NPSR1: variants seen among roughly 807,000 people sequenced by gnomAD.
NPSR1 encodes neuropeptide S receptor 1.
In NPSR1, 48 loss-of-function variants were observed where a neutral mutation model predicts 46.9. That is an observed-to-expected ratio of 1.02 (90% CI 0.81 to 1.30). The LOEUF (loss-of-function observed/expected upper bound fraction) is 1.30. NPSR1 is among the 50% of genes most tolerant of loss of function. The pLI is 0.00. For missense variants in NPSR1, 450 were observed against 449.5 expected, an observed-to-expected ratio of 1.00 and a Z score of -0.01; for synonymous variants, 176 against 168.1, an observed-to-expected ratio of 1.05 and a Z score of -0.36.
chr7:34,802,088 A>C (rs1788446764), intron 3 of NPSR1, among the ~76,000 whole-genome samples: 1 of 149,760 alleles, frequency 6.7e-6, no homozygotes, highest in African/African-American at 2.6e-5. Flanking sequence ...ATGGAAGAAC[A>C]TTCCATGCTC....
intron 2 of NPSR1, among the ~76,000 whole-genome samples, chr7:34,752,886 G>C (rs940206422): frequency 6.6e-6 from 1 of 152,156 alleles, no homozygotes; most frequent in African/African-American, 2.4e-5. Context: ...TGTGAAGCCT[G>C]CCTAGTCCGC....
At chr7:34,873,769 TA>T (rs1372639117) in intron 8 of NPSR1, among the ~76,000 whole-genome samples, 4 of 151,344 alleles carry the variant, frequency 2.6e-5, no homozygotes, top group African/African-American at 7.3e-5. Flanking sequence ...ATCCAAACCA[TA>T]ACAGAGATGA....
At chr7:34,799,532 C>T (rs914881256) in intron 3 of NPSR1, among the ~76,000 whole-genome samples, 5 of 147,358 alleles carry the variant, frequency 3.4e-5, no homozygotes, top group African/African-American at 1.2e-4. Flanking sequence ...CTTTTGTCAC[C>T]ACCAGGCCTG....
chr7:34,822,332 G>A (rs929703574), intron 4 of NPSR1, among the ~76,000 whole-genome samples: 9 of 152,184 alleles, frequency 5.9e-5, no homozygotes, highest in Admixed American at 1.3e-4. Flanking sequence ...CTCTCTGGGA[G>A]AGTCATGGAG....
rs1489386225 is a variant in NPSR1, at chr7:34,792,689, G to GTATATATATATATT, written c.384+14134_384+14135insTATTTATATATATA. On this transcript the variant is annotated intron_variant, in intron 3 of 8. Transcript: ENST00000360581. Reference sequence around the variant, plus strand: ...TTTATATATATGTATATATATATATGTATATATATACGTATATATATATAT... The same window carrying GTATATATATATATT: ...TTTATATATATGTATATATATATATGTATATATATATATTTATATATATACGTATATATATATAT... Among the ~76,000 whole-genome samples the GTATATATATATATT allele has an allele frequency of 1.8e-3, 137 of 74,292 alleles. 7 individuals are homozygous for GTATATATATATATT. The highest frequency in any genetic ancestry group is 3.9e-3 in the East Asian group (9 of 2,328). The allele number at this position is 74,292 out of a possible 152,430, so 48.7% of individuals were successfully genotyped here. A position where few individuals can be genotyped will look rare whatever the true frequency, so the allele number is the denominator to read the frequency against.
chr7:34,743,445 CT>C (rs201399099), intron 2 of NPSR1, among the ~76,000 whole-genome samples: 20,894 of 145,164 alleles, frequency 0.14, 1,549 homozygotes, highest in Non-Finnish European at 0.17. Context: ...TCTCTGTCTT[CT>C]TTTTTTTTTT....
At chr7:34,736,593 C>CTTTA (rs1784676786) in intron 2 of NPSR1, among the ~76,000 whole-genome samples, 1 of 151,798 alleles carries the variant, frequency 6.6e-6, no homozygotes, top group Non-Finnish European at 1.5e-5. Flanking sequence ...TACTTACTTA[C>CTTTA]TTTATTTATC....
intron 2 of NPSR1, among the ~76,000 whole-genome samples, chr7:34,777,667 G>A (rs1787032890): frequency 6.6e-6 from 1 of 152,040 alleles, no homozygotes; most frequent in African/African-American, 2.4e-5. Flanking sequence ...CTTCTATTCT[G>A]CAACCTTGCC....
At chr7:34,719,979 GAA>G (rs746199947) in intron 2 of NPSR1, among the ~76,000 whole-genome samples, 1 of 136,436 alleles carries the variant, frequency 7.3e-6, no homozygotes, top group African/African-American at 2.7e-5. Context: ...GTTTCAAAAA[GAA>G]AAAAAAAAAA....
At chr7:34,847,411 AG>A (rs1790775201) in intron 7 of NPSR1, among the ~76,000 whole-genome samples, 1 of 151,990 alleles carries the variant, frequency 6.6e-6, no homozygotes, top group Non-Finnish European at 1.5e-5. Context: ...TGAGAGAGAG[AG>A]AGAGAGAGGT....
At chr7:34,751,091 C>T in intron 2 of NPSR1, 1 of 801,746 alleles carries the variant, frequency 1.2e-6, no homozygotes. Flanking sequence ...TCACCATGTC[C>T]TTGAGGATCA....
At chr7:34,784,367 G>T (rs1056444063) in intron 3 of NPSR1, among the ~76,000 whole-genome samples, 2 of 151,922 alleles carry the variant, frequency 1.3e-5, no homozygotes, top group African/African-American at 2.4e-5. Flanking sequence ...CATCAATACC[G>T]AATTTATTGA....
chr7:34,676,786 C>T (rs1792335702), intron 1 of NPSR1, among the ~76,000 whole-genome samples: 1 of 152,078 alleles, frequency 6.6e-6, no homozygotes, highest in African/African-American at 2.4e-5. Context: ...AGGAAGACCC[C>T]AAAAGCATTT....
intron 5 of NPSR1, among the ~76,000 whole-genome samples, chr7:34,831,037 G>A (rs764952032): frequency 3.2e-4 from 49 of 151,950 alleles, no homozygotes; most frequent in Non-Finnish European, 6.8e-4. Context: ...GCCAACCCTG[G>A]ACCAAGAGGC....
intron 3 of NPSR1, among the ~76,000 whole-genome samples, chr7:34,797,861 G>A (rs1562737022): frequency 6.6e-6 from 1 of 152,120 alleles, no homozygotes; most frequent in Non-Finnish European, 1.5e-5. Context: ...TAAGAAGATA[G>A]TATAATAAAA....
chr7:34,790,792 ATG>A (rs1334734813), intron 3 of NPSR1, among the ~76,000 whole-genome samples: 16 of 111,922 alleles, frequency 1.4e-4, no homozygotes, highest in African/African-American at 4.5e-4. Context: ...TGTTATATAT[ATG>A]TTATAGGTTA....
intron 8 of NPSR1, among the ~76,000 whole-genome samples, chr7:34,863,790 G>A (rs1791242859): frequency 6.6e-6 from 1 of 151,714 alleles, no homozygotes; most frequent in Admixed American, 6.5e-5. Flanking sequence ...GTGTAAATTA[G>A]TTCAACCATT....
At chr7:34,673,048 C>T (rs984025278) in intron 1 of NPSR1, among the ~76,000 whole-genome samples, 1 of 152,156 alleles carries the variant, frequency 6.6e-6, no homozygotes, top group Admixed American at 6.5e-5. Flanking sequence ...TGCCAGGCAC[C>T]CTACTTCTTA....
chr7:34,787,616 G>A (rs1032085202), intron 3 of NPSR1, among the ~76,000 whole-genome samples: 5 of 152,048 alleles, frequency 3.3e-5, no homozygotes, highest in African/African-American at 1.2e-4. Context: ...TTGATTTAAA[G>A]TGAGACATGT....
Sources: allele counts gnomAD v4.1 joint callset (sites outside exome capture counted in the v4.1 genomes callset), GRCh38; gene constraint gnomAD v4.1.1; transcripts MANE v1.5; gene names NCBI Gene and HGNC (gene_info 2026-07-23, HGNC 2026-07-21).